The following BTBD2 variants were observed in gnomAD, a reference collection of about 807,000 sequenced individuals.
BTBD2 encodes the protein BTB/POZ domain-containing protein 2.
BTBD2 carries 15 observed loss-of-function variants against 44.0 expected under a neutral mutation model. The observed-to-expected ratio is 0.34, with a 90% confidence interval of 0.23 to 0.53. BTBD2 has a LOEUF of 0.53. BTBD2 is among the 20% of genes least tolerant of loss of function. BTBD2 has a pLI of 0.95. For synonymous variants in BTBD2, 443 were observed against 335.9 expected, an observed-to-expected ratio of 1.32 and a Z score of -3.49; for missense variants, 657 against 746.4, an observed-to-expected ratio of 0.88 and a Z score of 1.39.
chr19:2,013,608 A>T (rs2016494923), intron 1 of BTBD2: 1 of 987,944 alleles, frequency 1.0e-6, no homozygotes, highest in Non-Finnish European at 1.2e-6. Flanking sequence ...GTGGTCACTG[A>T]AGTGGGAGGT....
At chr19:2,013,578 A>T in intron 1 of BTBD2, 1 of 986,612 alleles carries the variant, frequency 1.0e-6, no homozygotes, top group Non-Finnish European at 1.2e-6. Flanking sequence ...AGAGCCTGGC[A>T]GTGGCGGAGC....
At chr19:1,995,237 G>A (rs1409692001) in intron 2 of BTBD2, among the ~76,000 whole-genome samples, 2 of 149,058 alleles carry the variant, frequency 1.3e-5, no homozygotes, top group African/African-American at 2.5e-5. Context: ...AAAGTGCTGG[G>A]ATTACAGGTG....
chr19:1,996,487 G>T (rs12463339), intron 2 of BTBD2, among the ~76,000 whole-genome samples: 81,417 of 140,106 alleles, frequency 0.58, 26,091 homozygotes, highest in African/African-American at 0.87. Flanking sequence ...CCTTTTTTTT[G>T]TTGTTGTTGT....
chr19:2,006,506 CAAAAAA>C (rs549277311), intron 1 of BTBD2, among the ~76,000 whole-genome samples: 1 of 111,384 alleles, frequency 9.0e-6, no homozygotes, highest in African/African-American at 3.3e-5. Context: ...GACTCCGTCT[CAAAAAA>C]AAAAAAAAAG....
chr19:1,998,618 C>T (rs986177607), intron 1 of BTBD2, among the ~76,000 whole-genome samples: 3 of 152,136 alleles, frequency 2.0e-5, no homozygotes, highest in Non-Finnish European at 2.9e-5. Context: ...CCCCAAGAGC[C>T]GGCTATGAAC....
At chr19:2,013,518 AG>A in intron 1 of BTBD2, 1 of 986,112 alleles carries the variant, frequency 1.0e-6, no homozygotes, top group Non-Finnish European at 1.2e-6. Context: ...GATGGGGTGC[AG>A]GGGGTAGCAG....
At chr19:2,013,460 A>G in intron 1 of BTBD2, 1 of 962,816 alleles carries the variant, frequency 1.0e-6, no homozygotes, top group Non-Finnish European at 1.2e-6. Context: ...CGGAGATGGG[A>G]GTCTGGGCAG....
chr19:1,998,310 G>C (rs191339614), intron 1 of BTBD2, among the ~76,000 whole-genome samples: 2 of 152,216 alleles, frequency 1.3e-5, no homozygotes, highest in Non-Finnish European at 2.9e-5. Context: ...CACTGAGTGA[G>C]AGAAGAGAGA....
chr19:2,010,226 C>G, intron 1 of BTBD2, among the ~76,000 whole-genome samples: 1 of 152,232 alleles, frequency 6.6e-6, no homozygotes, highest in East Asian at 1.9e-4. Context: ...AAGTGCAACC[C>G]TGGAGATCTT....
chr19:2,015,494 C>T lies in BTBD2; in HGVS notation c.210G>A (p.Gln70=). 5 of 1,148,986 alleles carry T rather than the reference C, an allele frequency of 4.4e-6. No individual in the cohort carries two copies. The highest frequency in any genetic ancestry group is 5.3e-6 in the Non-Finnish European group (5 of 938,554). The allele number at this position is 1,148,986 out of a possible 1,614,324, so 71.2% of individuals were successfully genotyped here. A position where few individuals can be genotyped will look rare whatever the true frequency, so the allele number is the denominator to read the frequency against. Residue 70 remains glutamine (Q), a synonymous_variant, in exon 1 of 9, where the codon CAG becomes CAA. Transcript: ENST00000255608. ...PAPPGPGTDA[Q]AAGAERAEEA... is the part of the protein sequence containing the mutation. ...CCTCCGCCCGCTCCGCGCCCGCGGC[C>T]TGCGCGTCTGTCCCGGGGCCCGGCG...
At chr19:1,994,055 G>A (rs552423639) in intron 2 of BTBD2, among the ~76,000 whole-genome samples, 7 of 134,146 alleles carry the variant, frequency 5.2e-5, no homozygotes, top group African/African-American at 1.1e-4. Context: ...GGTGGTTCAC[G>A]CCTGTAATCC....
At chr19:1,991,256 TC>T (rs1295083130) in intron 3 of BTBD2, 1 of 170,046 alleles carries the variant, frequency 5.9e-6, no homozygotes, top group Non-Finnish European at 1.3e-5. Context: ...AGGGGCCGTG[TC>T]CCCGGCAGCT....
At chr19:1,995,017 G>A (rs2145629346) in intron 2 of BTBD2, among the ~76,000 whole-genome samples, 1 of 152,186 alleles carries the variant, frequency 6.6e-6, no homozygotes, top group South Asian at 2.1e-4. Flanking sequence ...GCCCAAGCTG[G>A]AGTGCAGTGG....
chr19:1,992,331 C>T (rs2016190864), intron 3 of BTBD2, among the ~76,000 whole-genome samples: 1 of 152,024 alleles, frequency 6.6e-6, no homozygotes, highest in South Asian at 2.1e-4. Context: ...AACTCCTGAC[C>T]TCTGGTGATC....
chr19:2,010,743 C>A (rs1003135898), intron 1 of BTBD2, among the ~76,000 whole-genome samples: 2 of 152,030 alleles, frequency 1.3e-5, no homozygotes, highest in Admixed American at 1.3e-4. Context: ...GGATTCAAGC[C>A]ATCCTCCTGC....
At chr19:2,007,287 G>C (rs2016407399) in intron 1 of BTBD2, among the ~76,000 whole-genome samples, 1 of 152,144 alleles carries the variant, frequency 6.6e-6, no homozygotes, top group Non-Finnish European at 1.5e-5. Context: ...CACTGCACCT[G>C]GCCAATAAAG....
At chr19:2,006,502 G>A (rs947547194) in intron 1 of BTBD2, among the ~76,000 whole-genome samples, 34 of 112,854 alleles carry the variant, frequency 3.0e-4, no homozygotes, top group Admixed American at 7.3e-4. Context: ...GCGAGACTCC[G>A]TCTCAAAAAA....
intron 1 of BTBD2, among the ~76,000 whole-genome samples, chr19:2,008,348 G>A (rs2016421103): frequency 1.3e-5 from 2 of 149,300 alleles, no homozygotes; most frequent in South Asian, 2.1e-4. Context: ...TGCCCAAGCT[G>A]GAGCCCAGTC....
intron 2 of BTBD2, among the ~76,000 whole-genome samples, chr19:1,993,417 A>G (rs1360828481): frequency 2.0e-5 from 3 of 152,112 alleles, no homozygotes; most frequent in African/African-American, 4.8e-5. Flanking sequence ...GGCTGAACCC[A>G]TCTACACAGC....
Sources: allele counts gnomAD v4.1 joint callset (sites outside exome capture counted in the v4.1 genomes callset), GRCh38; gene constraint gnomAD v4.1.1; transcripts MANE v1.5; gene names NCBI Gene and HGNC (gene_info 2026-07-23, HGNC 2026-07-21).